The following DST variants were observed in gnomAD, a reference collection of about 807,000 sequenced individuals.
DST encodes bullous pemphigoid antigen.
Under a neutral mutation model 875.2 loss-of-function variants are expected in DST, and 253 were observed. The observed-to-expected ratio is 0.29, with a 90% confidence interval of 0.26 to 0.32. The LOEUF is 0.32. Among genes scored for constraint, DST ranks in the 10% least tolerant of loss-of-function variants. The pLI, the probability that DST is intolerant of heterozygous loss-of-function variation, is 1.00. For synonymous variants in DST, 3,124 were observed against 3,197.1 expected, an observed-to-expected ratio of 0.98 and a Z score of 0.77; for missense variants, 8,287 against 9,111.6, an observed-to-expected ratio of 0.91 and a Z score of 3.68.
chr6:56,689,168 T>C (rs1167361439), intron 9 of DST, among the ~76,000 whole-genome samples: 1 of 152,082 alleles, frequency 6.6e-6, no homozygotes, highest in African/African-American at 2.4e-5. Flanking sequence ...ATAAATGTAG[T>C]TGGGGAGTGC....
intron 4 of DST, among the ~76,000 whole-genome samples, chr6:56,837,315 C>A (rs2099794930): frequency 6.6e-6 from 1 of 152,150 alleles, no homozygotes; most frequent in Non-Finnish European, 1.5e-5. Context: ...GACATAACTT[C>A]AACAACAAAA....
Position 56,491,627 on chromosome 6 carries a change from A to T in DST, c.20757+600T>A, listed in dbSNP as rs377357748. Among the ~76,000 whole-genome samples, 5 of 152,272 alleles carry T rather than the reference A, an allele frequency of 3.3e-5. No homozygotes were observed. The East Asian group carries it at 7.7e-4, about 24-fold the overall frequency. ...TAAAATTTTAAAGTGGCCCCAAAAG[A>T]TTCAAAAAAATTAATTTCAAAGTGA... On this transcript the variant is annotated intron_variant, in intron 85 of 103. Transcript: ENST00000680361.
chr6:56,508,334 G>A (rs1033687924), intron 75 of DST, among the ~76,000 whole-genome samples, 195 bp downstream of exon 75: 1 of 152,094 alleles, frequency 6.6e-6, no homozygotes, highest in African/African-American at 2.4e-5. Flanking sequence ...ACGCAGGCCT[G>A]AGAAATTGTT....
chr6:56,639,588 C>T lies in DST; in HGVS notation c.2721G>A (p.Arg907=), dbSNP rs746096242. The T allele has an allele frequency of 1.2e-6, 2 of 1,613,616 alleles. No homozygotes were observed. The highest frequency in any genetic ancestry group is 1.7e-6 in the Non-Finnish European group (2 of 1,179,858). ...KLLNTSRNQE[R]HLDTLHNFVS... ...CAAAATTATGGAGTGTATCAAGGTG[C>T]CGTTCTTGATTCCTGGATGTATTCT... Residue 907 remains arginine (R), a synonymous_variant, in exon 21 of 104, where the codon CGG becomes CGA. Coordinates refer to ENST00000680361, the MANE Select transcript of DST (RefSeq NM_001374736.1).
rs368829501 is a variant in DST, at chr6:56,597,925, A to T, written c.12010T>A (p.Ser4004Thr). ...LDWLSNVDKD[S>T]ERAGTKHKQV... ...TTGTGTTTTGTCCCTGCCCTTTCTG[A>T]GTCTTTGTCAACATTTGACAACCAG... The change falls in exon 47 of 104, where the codon TCA becomes ACA. Residue 4004 changes from serine (S) to threonine (T), a missense_variant. Physicochemically the swap from Ser to Thr is moderately conservative, Grantham distance 58 (BLOSUM62 1). Transcript: ENST00000680361. 2.5e-6 allele frequency: 4 copies of T among 1,613,368 alleles called. No individual in the cohort carries two copies. The African/African-American group carries it at 5.3e-5, about 22-fold the overall frequency.
chr6:56,908,079 G>T (rs948546771), intron 2 of DST, among the ~76,000 whole-genome samples: 2 of 146,410 alleles, frequency 1.4e-5, no homozygotes, highest in African/African-American at 5.3e-5. Flanking sequence ...AACAAAAAAA[G>T]AAAATACATA....
intron 3 of DST, among the ~76,000 whole-genome samples, chr6:56,853,122 C>T (rs776864217): frequency 9.2e-5 from 14 of 152,084 alleles, no homozygotes; most frequent in African/African-American, 2.2e-4. Context: ...GTATGTAAGA[C>T]GTAGCTCTCT....
chr6:56,470,401 A>T (rs1417639802), intron 95 of DST, 119 bp from the exon 96 acceptor site: 2 of 770,600 alleles, frequency 2.6e-6, no homozygotes, highest in Non-Finnish European at 3.8e-6. Flanking sequence ...ATATATTAAA[A>T]TCCTTTTTTA....
intron 22 of DST, among the ~76,000 whole-genome samples, chr6:56,638,349 C>A (rs143200739): frequency 3.3e-4 from 50 of 152,244 alleles, no homozygotes; most frequent in Admixed American, 2.7e-3. Context: ...TTCATGTAGA[C>A]ACAAAACCGT....
At chr6:56,710,579 G>A (rs576134297) in intron 5 of DST, among the ~76,000 whole-genome samples, 2 of 152,094 alleles carry the variant, frequency 1.3e-5, no homozygotes, top group South Asian at 2.1e-4. Context: ...TCCTTAGACA[G>A]CCTACTTGAA....
At chr6:56,932,573 T>C (rs533099479) in intron 2 of DST, among the ~76,000 whole-genome samples, 3 of 152,240 alleles carry the variant, frequency 2.0e-5, no homozygotes, top group Admixed American at 6.5e-5. Flanking sequence ...TACTCTGTAT[T>C]TTCTCAAATA....
chr6:56,896,612 G>A (rs112154443), intron 3 of DST, among the ~76,000 whole-genome samples: 16 of 152,204 alleles, frequency 1.1e-4, no homozygotes, highest in South Asian at 2.1e-4. Flanking sequence ...CCACATCCAC[G>A]CCAACATCAA....
chr6:56,626,160 G>A (rs1354588132), intron 34 of DST, among the ~76,000 whole-genome samples: 1 of 152,024 alleles, frequency 6.6e-6, no homozygotes, highest in Non-Finnish European at 1.5e-5. Context: ...GTAAGTTAAT[G>A]TCAATTTATT....
intron 2 of DST, among the ~76,000 whole-genome samples, chr6:56,932,887 CTGAGAAATAAA>C (rs976558685): frequency 6.7e-6 from 1 of 150,226 alleles, no homozygotes; most frequent in Non-Finnish European, 1.5e-5. Flanking sequence ...CTAGGTCTCC[CTGAGAAATAAA>C]TGAGCAACTA....
At chr6:56,652,732 A>G (rs1289912990) in intron 10 of DST, among the ~76,000 whole-genome samples, 2 of 152,218 alleles carry the variant, frequency 1.3e-5, no homozygotes, top group African/African-American at 2.4e-5. Flanking sequence ...ACCATCACCT[A>G]CATGCTCATA....
intron 2 of DST, among the ~76,000 whole-genome samples, chr6:56,902,717 A>G (rs555509526): frequency 8.5e-5 from 13 of 152,348 alleles, no homozygotes; most frequent in African/African-American, 3.1e-4. Flanking sequence ...AAATAGTCCC[A>G]GAACATCCCC....
intron 36 of DST, among the ~76,000 whole-genome samples, chr6:56,621,556 T>C (rs1215759824): frequency 7.9e-5 from 12 of 152,318 alleles, no homozygotes; most frequent in Admixed American, 7.8e-4. Context: ...TTAAGTATAA[T>C]AGCTTTTAAA....
At chr6:56,915,001 C>T (rs899563892) in intron 2 of DST, among the ~76,000 whole-genome samples, 1 of 152,220 alleles carries the variant, frequency 6.6e-6, no homozygotes, top group Non-Finnish European at 1.5e-5. Flanking sequence ...CAGCTTCTCT[C>T]AGCAACGGGC....
In DST at chr6:56,611,549, T is replaced by G. The variant is rs1586594481; in HGVS notation, c.5106A>C (p.Ala1702=). ...ISTKKEQLSE[A]LQTIQLFLAK... is the part of the protein sequence containing the mutation. ...CCAAAAAAAGCTGTATAGTTTGAAG[T>G]GCTTCCGATAATTGTTCCTTCTTGG... Residue 1702 remains alanine (A), a synonymous_variant, in exon 38 of 104, where the codon GCA becomes GCC. Transcript: ENST00000680361. 1 of 1,613,270 alleles carries G rather than the reference T, an allele frequency of 6.2e-7. No homozygotes were observed. The highest frequency in any genetic ancestry group is 8.5e-7 in the Non-Finnish European group (1 of 1,179,530).
Sources: gnomAD v4.1 joint callset for allele counts (sites outside exome capture counted in the v4.1 genomes callset) on GRCh38, gnomAD v4.1.1 for gene constraint, MANE v1.5 for transcripts, NCBI Gene and HGNC (gene_info 2026-07-23, HGNC 2026-07-21) for gene names.